The following BARX2 variants were observed in gnomAD, a reference collection of about 807,000 sequenced individuals.
BARX2 encodes homeobox protein BarH-like 2.
BARX2 carries 11 observed loss-of-function variants against 25.5 expected under a neutral mutation model. The ratio of observed to expected loss-of-function variants is 0.43; its 90% CI spans 0.27 to 0.71. The LOEUF is 0.71. Among genes scored for constraint, BARX2 ranks in the 30% least tolerant of loss-of-function variants. The pLI, the probability that BARX2 is intolerant of heterozygous loss-of-function variation, is 0.19. For missense variants in BARX2, 360 were observed against 359.9 expected (o/e 1.00, Z 0.00); for synonymous variants, 137 against 149.5 (o/e 0.92, Z 0.61).
chr11:129,433,239 C>T (rs576175789), intron 1 of BARX2, among the ~76,000 whole-genome samples: 1 of 152,324 alleles, frequency 6.6e-6, no homozygotes, highest in South Asian at 2.1e-4. Context: ...GCAACTCTCT[C>T]TCTCATACCT....
At chr11:129,423,131 T>TC (rs1555138524) in intron 1 of BARX2, among the ~76,000 whole-genome samples, 14 of 151,370 alleles carry the variant, frequency 9.2e-5, no homozygotes, top group South Asian at 2.1e-4. Context: ...TTTTTTTTTT[T>TC]CCCAAGACGG....
In BARX2 at chr11:129,436,770, A is replaced by G. The variant is rs1422030887; in HGVS notation, c.207A>G (p.Ala69=). The change falls in exon 2 of 4, where the codon GCA becomes GCG. Residue 69 remains alanine (A), a synonymous_variant. Coordinates refer to ENST00000281437, the MANE Select transcript of BARX2 (RefSeq NM_003658.5). The surrounding 1 kb of genome is among the most constrained non-coding windows in gnomAD (Gnocchi z 4.5). ...TTCCAGGCTCCCCTTCCCTGCGGGC[A>G]TATCCGCTCCTCTCGGTGATCACCC... ...HSCTGSPSLR[A]YPLLSVITRQ... 2 of 1,591,120 alleles carry G rather than the reference A, an allele frequency of 1.3e-6. No homozygotes were observed. The highest frequency in any genetic ancestry group is 1.7e-4 in the Middle Eastern group (1 of 5,926).
intron 2 of BARX2, chr11:129,442,570 G>A (rs1862274985): frequency 4.3e-6 from 2 of 460,216 alleles, no homozygotes; most frequent in South Asian, 2.1e-5. Context: ...ATCCTTCTCA[G>A]GTCCCTTGCA....
chr11:129,410,716 A>G (rs1380622472), intron 1 of BARX2, among the ~76,000 whole-genome samples: 2 of 152,156 alleles, frequency 1.3e-5, no homozygotes, highest in African/African-American at 4.8e-5. Flanking sequence ...TTCACTGGAG[A>G]AGAATCCCCC....
chr11:129,413,926 C>T (rs1034607153), intron 1 of BARX2, among the ~76,000 whole-genome samples: 5 of 152,038 alleles, frequency 3.3e-5, no homozygotes, highest in African/African-American at 9.6e-5. Context: ...ATTAGCCGGG[C>T]GTGGTGGCGG....
At chr11:129,401,633 G>C (rs1040373451) in intron 1 of BARX2, among the ~76,000 whole-genome samples, 1 of 152,144 alleles carries the variant, frequency 6.6e-6, no homozygotes, top group Non-Finnish European at 1.5e-5. Flanking sequence ...ATAGCACCTT[G>C]TAGGTAGAGA....
chr11:129,382,050 C>G (rs1861570539), intron 1 of BARX2, among the ~76,000 whole-genome samples: 2 of 152,206 alleles, frequency 1.3e-5, no homozygotes, highest in African/African-American at 4.8e-5. Context: ...CTCTGGAAGA[C>G]TGAGTAAATG....
At chr11:129,398,071 C>G (rs1413186719) in intron 1 of BARX2, among the ~76,000 whole-genome samples, 3 of 152,198 alleles carry the variant, frequency 2.0e-5, no homozygotes, top group Non-Finnish European at 4.4e-5. Flanking sequence ...TCAACTGCAT[C>G]TTTAGAAGTT....
chr11:129,447,097 G>A (rs1282649466), intron 3 of BARX2, among the ~76,000 whole-genome samples: 1 of 152,148 alleles, frequency 6.6e-6, no homozygotes, highest in Admixed American at 6.5e-5. Flanking sequence ...TGGTCAGGAG[G>A]TTTGTGTTCA....
chr11:129,408,448 G>A (rs183667071), intron 1 of BARX2, among the ~76,000 whole-genome samples: 15 of 152,242 alleles, frequency 9.9e-5, no homozygotes, highest in South Asian at 2.1e-4. Context: ...TAATCAACCC[G>A]CACAGGGATG....
At chr11:129,397,311 G>A (rs1420119671) in intron 1 of BARX2, among the ~76,000 whole-genome samples, 1 of 151,766 alleles carries the variant, frequency 6.6e-6, no homozygotes, top group Non-Finnish European at 1.5e-5. Flanking sequence ...GAGATGAAAA[G>A]TGCTAAGAAA....
At chr11:129,420,515 AAAT>A (rs1292671494) in intron 1 of BARX2, among the ~76,000 whole-genome samples, 2 of 152,230 alleles carry the variant, frequency 1.3e-5, no homozygotes, top group African/African-American at 4.8e-5. Context: ...GGATTAGAAA[AAAT>A]AATCTCTCTT....
intron 1 of BARX2, among the ~76,000 whole-genome samples, chr11:129,414,459 TC>T (rs1484960008): frequency 6.6e-6 from 1 of 152,166 alleles, no homozygotes; most frequent in East Asian, 1.9e-4. Flanking sequence ...TATTTCCCGT[TC>T]CCCTGCCTTC....
chr11:129,379,655 C>G (rs1447201448), intron 1 of BARX2, among the ~76,000 whole-genome samples: 1 of 152,024 alleles, frequency 6.6e-6, no homozygotes, highest in African/African-American at 2.4e-5. Context: ...TCTTTAGAAT[C>G]AGGCAGTTTC....
rs998642413 is a variant in BARX2 at position 129,451,521 on chromosome 11, C to T, written c.*119C>T. The T allele has an allele frequency of 1.6e-5, 19 of 1,161,016 alleles. No individual in the cohort carries two copies. The highest frequency in any genetic ancestry group is 2.2e-4 in the Middle Eastern group (1 of 4,530). The allele number at this position is 1,161,016 out of a possible 1,614,324, so 71.9% of individuals were successfully genotyped here. On this transcript the variant is annotated 3_prime_UTR_variant, in exon 4 of 4. Coordinates refer to ENST00000281437, the MANE Select transcript of BARX2 (RefSeq NM_003658.5). Reference sequence around the variant, plus strand: ...TAAACTGCGGGCGAAGAGATCTACCCGTCTCCCTCCCTCCCACAGTTACCA... The same window carrying T: ...TAAACTGCGGGCGAAGAGATCTACCTGTCTCCCTCCCTCCCACAGTTACCA...
intron 1 of BARX2, among the ~76,000 whole-genome samples, chr11:129,378,563 C>CTTTTTTTTT (rs56804728): frequency 1.6e-3 from 178 of 110,928 alleles, no homozygotes; most frequent in African/African-American, 1.9e-3. Context: ...TTTTCTTTTT[C>CTTTTTTTTT]TTTTTTTTTT....
chr11:129,448,212 C>G (rs1432468994), intron 3 of BARX2, among the ~76,000 whole-genome samples: 1 of 152,100 alleles, frequency 6.6e-6, no homozygotes, highest in Non-Finnish European at 1.5e-5. Flanking sequence ...GAGTAAGTAT[C>G]CATGACCTCG....
intron 1 of BARX2, among the ~76,000 whole-genome samples, chr11:129,405,311 T>G (rs1413202218): frequency 6.6e-6 from 1 of 152,184 alleles, no homozygotes; most frequent in Non-Finnish European, 1.5e-5. Flanking sequence ...TTTGCAAGTC[T>G]GAAACCAAAC....
intron 3 of BARX2, among the ~76,000 whole-genome samples, chr11:129,447,376 G>T (rs1862343392): frequency 6.6e-6 from 1 of 152,180 alleles, no homozygotes; most frequent in Non-Finnish European, 1.5e-5. Context: ...CTTCCGAGAG[G>T]CAGAAGGAGG....
Sources: gnomAD v4.1 joint callset for allele counts (sites outside exome capture counted in the v4.1 genomes callset) on GRCh38, gnomAD v4.1.1 for gene constraint, Gnocchi (gnomAD v3.1) non-coding constraint, MANE v1.5 for transcripts, NCBI Gene and HGNC (gene_info 2026-07-23, HGNC 2026-07-21) for gene names.